The following CTTNBP2 variants were observed in gnomAD, a reference collection of about 807,000 sequenced individuals.
CTTNBP2 encodes the protein cortactin-binding protein 2.
Under a neutral mutation model 156.9 loss-of-function variants are expected in CTTNBP2, and 108 were observed. That is an observed-to-expected ratio of 0.69 (90% CI 0.59 to 0.81). The LOEUF is 0.81. Among genes scored for constraint, CTTNBP2 ranks in the 30% least tolerant of loss-of-function variants. CTTNBP2 has a pLI of 0.00. For synonymous variants in CTTNBP2, 767 were observed against 751.8 expected, an observed-to-expected ratio of 1.02 and a Z score of -0.33; for missense variants, 1,924 against 2,035.4, an observed-to-expected ratio of 0.95 and a Z score of 1.05.
At chr7:117,845,976 G>C (rs546561344) in intron 2 of CTTNBP2, among the ~76,000 whole-genome samples, 1 of 151,814 alleles carries the variant, frequency 6.6e-6, no homozygotes, top group African/African-American at 2.4e-5. Flanking sequence ...TCAGCCTCCC[G>C]AGTAGGTGGG....
chr7:117,801,971 T>A (rs1799633701), intron 3 of CTTNBP2, among the ~76,000 whole-genome samples: 1 of 151,882 alleles, frequency 6.6e-6, no homozygotes, highest in South Asian at 2.1e-4. Context: ...GTTAGTTACA[T>A]ATGTATACAT....
chr7:117,759,727 G>A (rs538887682), intron 10 of CTTNBP2, among the ~76,000 whole-genome samples: 56 of 152,252 alleles, frequency 3.7e-4, no homozygotes, highest in Non-Finnish European at 5.3e-4. Context: ...ATCTTGTACG[G>A]AGTTATCTGT....
intron 2 of CTTNBP2, among the ~76,000 whole-genome samples, chr7:117,844,086 G>A (rs1436554748): frequency 6.6e-6 from 1 of 152,108 alleles, no homozygotes; most frequent in African/African-American, 2.4e-5. Flanking sequence ...GACACTGCAG[G>A]AGGGAAAGAT....
At chr7:117,797,968 A>G (rs1799414454) in intron 3 of CTTNBP2, among the ~76,000 whole-genome samples, 5 of 152,168 alleles carry the variant, frequency 3.3e-5, no homozygotes, top group Non-Finnish European at 5.9e-5. Flanking sequence ...AGCAATTTCA[A>G]AGCAGAAAAA....
intron 22 of CTTNBP2, among the ~76,000 whole-genome samples, chr7:117,716,294 T>C (rs753149734): frequency 2.6e-5 from 4 of 151,506 alleles, no homozygotes; most frequent in Non-Finnish European, 5.9e-5. Context: ...GACAGAGAAA[T>C]AGGGGTATGA....
intron 7 of CTTNBP2, among the ~76,000 whole-genome samples, chr7:117,778,003 C>T (rs1798200949): frequency 7.2e-5 from 11 of 152,102 alleles, no homozygotes; most frequent in Admixed American, 7.2e-4. Context: ...TTTCTACCTA[C>T]CAGTTAACCA....
chr7:117,866,080 T>C (rs1039779047), intron 1 of CTTNBP2, among the ~76,000 whole-genome samples: 1 of 151,712 alleles, frequency 6.6e-6, no homozygotes, highest in African/African-American at 2.4e-5. Context: ...GGCGCAAGCG[T>C]GGGGAGGGCA....
Position 117,810,756 on chromosome 7 carries a change from C to A in CTTNBP2, c.414+9G>T, listed in dbSNP as rs34868515. On this transcript the variant is annotated intron_variant, in intron 3 of 22. Transcript: ENST00000160373. ...TGTGGGGAAAATGACCATTTGAACG[C>A]CTCAATACCTTCTTTTGTCTGCTCT... 5 of 1,611,034 alleles carry A rather than the reference C, an allele frequency of 3.1e-6. No individual in the cohort carries two copies. The highest frequency in any genetic ancestry group is 4.2e-6 in the Non-Finnish European group (5 of 1,178,702).
chr7:117,812,803 A>G (rs1221852242), intron 2 of CTTNBP2, among the ~76,000 whole-genome samples: 1 of 152,156 alleles, frequency 6.6e-6, no homozygotes. Flanking sequence ...TAACACTTGG[A>G]TAATTCTATG....
intron 9 of CTTNBP2, among the ~76,000 whole-genome samples, chr7:117,765,330 T>A (rs1797429722): frequency 6.6e-6 from 1 of 152,202 alleles, no homozygotes; most frequent in Admixed American, 6.5e-5. Context: ...TCTTTTTTAC[T>A]TCTCTCAGAT....
At chr7:117,749,701 CTTT>C (rs372576044) in intron 12 of CTTNBP2, among the ~76,000 whole-genome samples, 2 of 151,800 alleles carry the variant, frequency 1.3e-5, no homozygotes, top group Non-Finnish European at 2.9e-5. Flanking sequence ...TGGTATAAAT[CTTT>C]TTTTATTTTT....
chr7:117,717,186 GT>G (rs1794450083), intron 22 of CTTNBP2, among the ~76,000 whole-genome samples: 1 of 152,186 alleles, frequency 6.6e-6, no homozygotes, highest in African/African-American at 2.4e-5. Flanking sequence ...CAGTGCTGTA[GT>G]CATGGAAGCT....
At chr7:117,716,164 A>T (rs1435224388) in intron 22 of CTTNBP2, among the ~76,000 whole-genome samples, 3 of 112,346 alleles carry the variant, frequency 2.7e-5, no homozygotes, top group South Asian at 2.9e-4. Flanking sequence ...AAGAGCCCAG[A>T]TAGTATAAAA....
chr7:117,806,266 G>C (rs1044305247), intron 3 of CTTNBP2, among the ~76,000 whole-genome samples: 5 of 152,182 alleles, frequency 3.3e-5, no homozygotes, highest in Non-Finnish European at 7.3e-5. Flanking sequence ...CCAAACACAT[G>C]GTTTTATAGA....
At chr7:117,799,688 G>A (rs1421232687) in intron 3 of CTTNBP2, among the ~76,000 whole-genome samples, 2 of 151,952 alleles carry the variant, frequency 1.3e-5, no homozygotes, top group Non-Finnish European at 2.9e-5. Context: ...GAAAAAGGCA[G>A]GCAGGCAAAT....
Position 117,792,247 on chromosome 7 carries a change from C to T in CTTNBP2, c.949G>A (p.Asp317Asn). The T allele has an allele frequency of 1.2e-6, 2 of 1,614,146 alleles. No individual in the cohort carries two copies. Among genetic ancestry groups the T allele is most frequent in the Non-Finnish European group, 1.7e-6 (2 of 1,180,038 alleles). Residue 317 changes from aspartate to asparagine, a missense_variant, in exon 4 of 23, where the codon GAC becomes AAC. Transcript: ENST00000160373. The surrounding 1 kb of genome is among the most constrained non-coding windows in gnomAD (Gnocchi z 4.2). The stretch of plus-strand genomic sequence containing the variant: ...GTTAAAGGCAACTTTTTCATGTGGT[C>T]AGCATTTTCTGTCACTAGGTCTGTC... ...CQTDLVTENA[D>N]HMKKLPLTMP...
rs1366829402 is a variant in CTTNBP2, at chr7:117,792,974, T to C, written c.415-193A>G. On this transcript the variant is annotated intron_variant, in intron 3 of 22. Transcript: ENST00000160373. The surrounding 1 kb of genome is among the most constrained non-coding windows in gnomAD (Gnocchi z 4.2). ...ATTAAAATGAGAAAATAGACGTAAA[T>C]GGCTTTATAAAGACATCTAAATTAC... Among the ~76,000 whole-genome samples the C allele has an allele frequency of 1.3e-5, 2 of 152,166 alleles. No individual in the cohort carries two copies. The highest frequency in any genetic ancestry group is 2.9e-5 in the Non-Finnish European group (2 of 68,034).
At chr7:117,839,363 C>T (rs145609964) in intron 2 of CTTNBP2, among the ~76,000 whole-genome samples, 1 of 152,174 alleles carries the variant, frequency 6.6e-6, no homozygotes, top group African/African-American at 2.4e-5. Flanking sequence ...TAACGTCACA[C>T]AGCCAATAAT....
Position 117,792,160 on chromosome 7 carries a change from A to G in CTTNBP2, c.1036T>C (p.Cys346Arg). 1 of 1,614,206 alleles carries G rather than the reference A, an allele frequency of 6.2e-7. No individual in the cohort carries two copies. The highest frequency in any genetic ancestry group is 2.2e-5 in the East Asian group (1 of 44,878). ...GGTCTGGCCATGGTGGCACTGGTGC[A>G]CACGCTCCCTTTTGCATTTGCAGAA... ...LVSANAKGSVCTSATMARPGI... is the reference protein window; with the variant it reads ...LVSANAKGSVRTSATMARPGI... Residue 346 changes from cysteine (C) to arginine (R), a missense_variant, in exon 4 of 23, where the codon TGC (cysteine) becomes CGC (arginine). Transcript: ENST00000160373. The surrounding 1 kb of genome is among the most constrained non-coding windows in gnomAD (Gnocchi z 4.2).
Sources: gnomAD v4.1 joint callset for allele counts (sites outside exome capture counted in the v4.1 genomes callset) on GRCh38, gnomAD v4.1.1 for gene constraint, Gnocchi (gnomAD v3.1) non-coding constraint, MANE v1.5 for transcripts, NCBI Gene and HGNC (gene_info 2026-07-23, HGNC 2026-07-21) for gene names.